Variants in SOX6 observed in about 807,000 individuals in gnomAD.
SOX6 encodes SRY-box transcription factor 6, also known as transcription factor SOX-6.
Under a neutral mutation model 97.8 loss-of-function variants are expected in SOX6, and 11 were observed. That is an observed-to-expected ratio of 0.11 (90% CI 0.07 to 0.19). The LOEUF (loss-of-function observed/expected upper bound fraction) is 0.19. Ranked by LOEUF, SOX6 falls within the 10% of genes least tolerant of loss-of-function variation. The pLI, the probability that SOX6 is intolerant of heterozygous loss-of-function variation, is 1.00. For missense variants in SOX6, 810 were observed against 1,039.5 expected (o/e 0.78, Z 3.04); for synonymous variants, 360 against 371.4 (o/e 0.97, Z 0.35).
chr11:16,564,653 A>T (rs1366533744), intron 4 of SOX6, among the ~76,000 whole-genome samples: 1 of 152,168 alleles, frequency 6.6e-6, no homozygotes. Flanking sequence ...AATCAGTAAG[A>T]AAGAAAGAAC....
rs891523300 is a variant in SOX6, at chr11:15,998,200, G to T, written c.1733-8970C>A. Among the ~76,000 whole-genome samples, 13 of 151,238 alleles carry T rather than the reference G, an allele frequency of 8.6e-5. No homozygotes were observed. In the East Asian group the frequency reaches 2.5e-3, roughly 29 times the overall value. ...ATTGTTTACATAAAAAATCCTAAGG[G>T]ATTTACAAAATACTAGAACTAATAA... On this transcript the variant is annotated intron_variant, in intron 13 of 15. Coordinates refer to ENST00000683767, the MANE Select transcript of SOX6 (RefSeq NM_001367873.1).
At position 16,504,542 on chromosome 11, in the gene SOX6, C is replaced by T. The variant is rs1031918310; in HGVS notation, n.610-28154G>A. Among the ~76,000 whole-genome samples, 2 of 149,630 alleles carry T rather than the reference C, an allele frequency of 1.3e-5. 1 individual carries two copies. Among genetic ancestry groups the T allele is most frequent in the African/African-American group, 4.9e-5 (2 of 40,574 alleles). Reference sequence around the variant, plus strand: ...ATTTAATCAAGGATAAAGACCTCTACAAGGAAAACTGTAAACCACTGATGG... The same window carrying T: ...ATTTAATCAAGGATAAAGACCTCTATAAGGAAAACTGTAAACCACTGATGG... On this transcript the variant is annotated intron_variant and non_coding_transcript_variant, in intron 4 of 5. Coordinates refer to the SOX6 transcript ENST00000524520.
chr11:16,035,158 T>C (rs891109372), intron 12 of SOX6, among the ~76,000 whole-genome samples: 6 of 152,120 alleles, frequency 3.9e-5, no homozygotes, highest in African/African-American at 1.4e-4. Flanking sequence ...TGTACAGCCA[T>C]ATATAATGTG....
intron 1 of SOX6, among the ~76,000 whole-genome samples, chr11:16,373,865 A>G (rs186635226): frequency 3.1e-3 from 162 of 51,610 alleles, no homozygotes; most frequent in Middle Eastern, 0.01. Flanking sequence ...GGAAGGAAGG[A>G]AGGAAGGAAG....
chr11:16,080,233 A>G (rs1038131245), intron 9 of SOX6, among the ~76,000 whole-genome samples: 1 of 150,254 alleles, frequency 6.7e-6, no homozygotes, highest in Non-Finnish European at 1.5e-5. Context: ...TTATTTGTCA[A>G]TTATAAATAA....
At chr11:16,095,902 T>G in intron 9 of SOX6, 94 bp downstream of exon 9, 3 of 1,349,542 alleles carry the variant, frequency 2.2e-6, no homozygotes, top group Non-Finnish European at 3.1e-6. Flanking sequence ...TTAGGTTGAG[T>G]GTTTGCCACT....
At position 16,369,447 on chromosome 11, in the gene SOX6, T is replaced by C. The variant is rs184715016; in HGVS notation, c.-4-28195A>G. Among the ~76,000 whole-genome samples the C allele has an allele frequency of 7.2e-3, 1,097 of 152,308 alleles. 6 individuals are homozygous for C. The highest frequency in any genetic ancestry group is 0.012 in the Non-Finnish European group (814 of 68,014). ...TTATTGTTGTCTGTTCCATGAGAAC[T>C]GAAAAGTATTTGTTTTATTCACTAA... On this transcript the variant is annotated intron_variant, in intron 1 of 15. Transcript: ENST00000396356.
At chr11:16,653,441 C>CA in intron 3 of SOX6, among the ~76,000 whole-genome samples, 1 of 151,982 alleles carries the variant, frequency 6.6e-6, no homozygotes, top group Admixed American at 6.5e-5. Context: ...ACGACTTAGC[C>CA]AAAAAAGGAA....
intron 3 of SOX6, among the ~76,000 whole-genome samples, chr11:16,261,572 G>A (rs1853899112): frequency 6.6e-6 from 1 of 151,634 alleles, no homozygotes; most frequent in Non-Finnish European, 1.5e-5. Flanking sequence ...ATTCTTCTGG[G>A]GTATATACTC....
chr11:16,412,636 C>T (rs545072267), intron 1 of SOX6, among the ~76,000 whole-genome samples: 1 of 152,242 alleles, frequency 6.6e-6, no homozygotes, highest in Admixed American at 6.5e-5. Flanking sequence ...AACCAACAGG[C>T]AAACAAAAAA....
At chr11:16,545,446 G>T (rs913087671) in intron 4 of SOX6, among the ~76,000 whole-genome samples, 10 of 151,482 alleles carry the variant, frequency 6.6e-5, no homozygotes, top group African/African-American at 2.2e-4. Context: ...ACTAGGTATA[G>T]AAAGTATATA....
chr11:16,385,294 C>T (rs1857948976), intron 1 of SOX6, among the ~76,000 whole-genome samples: 2 of 152,040 alleles, frequency 1.3e-5, no homozygotes, highest in African/African-American at 4.8e-5. Flanking sequence ...GTCACTTTAG[C>T]TGACTCAGCT....
upstream of SOX6, among the ~76,000 whole-genome samples, chr11:16,479,529 T>TAAAAAAAA (rs77854554): frequency 7.9e-6 from 1 of 126,892 alleles, no homozygotes. Flanking sequence ...GACTCTGTCT[T>TAAAAAAAA]AAAAAAAAAA....
At chr11:16,083,557 C>T (rs1848518774) in intron 9 of SOX6, among the ~76,000 whole-genome samples, 1 of 152,182 alleles carries the variant, frequency 6.6e-6, no homozygotes, top group African/African-American at 2.4e-5. Flanking sequence ...ATGAGATATA[C>T]TGTCCTCTTG....
intron 3 of SOX6, among the ~76,000 whole-genome samples, chr11:16,640,485 G>A (rs541387076): frequency 6.6e-6 from 1 of 152,274 alleles, no homozygotes; most frequent in African/African-American, 2.4e-5. Flanking sequence ...AGAAGGAATG[G>A]TACCAGCTCC....
At chr11:16,076,186 T>C (rs972735227) in intron 9 of SOX6, among the ~76,000 whole-genome samples, 6 of 152,160 alleles carry the variant, frequency 3.9e-5, no homozygotes, top group African/African-American at 7.2e-5. Flanking sequence ...AATACCATTC[T>C]GGACATAGTT....
chr11:16,097,735 T>C (rs572567349), intron 7 of SOX6, 47 bp from the exon 8 acceptor site: 2 of 1,526,388 alleles, frequency 1.3e-6, no homozygotes, highest in African/African-American at 1.4e-5. Flanking sequence ...GCACAGGGAA[T>C]TGCAGCAGAC....
At chr11:16,001,889 A>G (rs1854417270) in intron 13 of SOX6, among the ~76,000 whole-genome samples, 1 of 152,182 alleles carries the variant, frequency 6.6e-6, no homozygotes, top group South Asian at 2.1e-4. Context: ...GATCAACAAG[A>G]GGAACCAAAG....
At chr11:16,191,580 C>T (rs1851632105) in intron 4 of SOX6, among the ~76,000 whole-genome samples, 1 of 152,208 alleles carries the variant, frequency 6.6e-6, no homozygotes, top group Middle Eastern at 3.2e-3. Flanking sequence ...TCAGGAGCTA[C>T]CTAACATCAT....
Sources: gnomAD v4.1 joint callset for allele counts (sites outside exome capture counted in the v4.1 genomes callset) on GRCh38, gnomAD v4.1.1 for gene constraint, MANE v1.5 for transcripts, NCBI Gene and HGNC (gene_info 2026-07-23, HGNC 2026-07-21) for gene names.